Variants in ARHGAP15 observed in about 807,000 individuals in gnomAD.
The protein encoded by ARHGAP15 is rho GTPase-activating protein 15.
ARHGAP15 carries 51 observed loss-of-function variants against 63.7 expected under a neutral mutation model. The ratio of observed to expected loss-of-function variants is 0.80; its 90% CI spans 0.64 to 1.01. The LOEUF (loss-of-function observed/expected upper bound fraction) is 1.01. Ranked by LOEUF, ARHGAP15 falls within the 50% of genes least tolerant of loss-of-function variation. The pLI, the probability that ARHGAP15 is intolerant of heterozygous loss-of-function variation, is 0.00. For missense variants in ARHGAP15, 560 were observed against 564.6 expected (o/e 0.99, Z 0.08); for synonymous variants, 191 against 193.8 (o/e 0.99, Z 0.12).
chr2:143,513,615 A>G (rs969468988), intron 9 of ARHGAP15, among the ~76,000 whole-genome samples: 1 of 152,218 alleles, frequency 6.6e-6, no homozygotes, highest in African/African-American at 2.4e-5. Context: ...TGAAATTGCC[A>G]AAATCCAGCG....
intron 10 of ARHGAP15, among the ~76,000 whole-genome samples, chr2:143,540,612 A>G (rs1192154317): frequency 6.6e-6 from 1 of 152,100 alleles, no homozygotes; most frequent in African/African-American, 2.4e-5. Flanking sequence ...TCTGTAAAGT[A>G]TTTTATTTCT....
chr2:143,520,942 G>A (rs542319938), intron 10 of ARHGAP15, among the ~76,000 whole-genome samples: 5 of 152,116 alleles, frequency 3.3e-5, no homozygotes, highest in Non-Finnish European at 7.4e-5. Context: ...GCAGCTTTGC[G>A]GTGTGCAGAT....
rs145472935 is a variant in ARHGAP15 at position 143,554,363 on chromosome 2, A to G, written c.926-2045A>G. ...ATTCACCACTCATGGTTCTGATGCC[A>G]TTTGTCTGCTTCCAAATCCAAAACT... On this transcript the variant is annotated intron_variant, in intron 10 of 13. Transcript: ENST00000295095. Among the ~76,000 whole-genome samples, 28 of 152,260 alleles carry G rather than the reference A, an allele frequency of 1.8e-4. No homozygotes were observed. In the East Asian group the frequency reaches 4.2e-3, roughly 23 times the overall value.
At chr2:143,450,781 G>C (rs1690371273) in intron 8 of ARHGAP15, among the ~76,000 whole-genome samples, 1 of 151,860 alleles carries the variant, frequency 6.6e-6, no homozygotes, top group African/African-American at 2.4e-5. Context: ...AATAACAGTT[G>C]GTGACAATTT....
chr2:143,290,725 G>A (rs1458997465), intron 6 of ARHGAP15, among the ~76,000 whole-genome samples: 1 of 152,126 alleles, frequency 6.6e-6, no homozygotes, highest in Non-Finnish European at 1.5e-5. Context: ...AGGAGGAACA[G>A]GGAGCCTGAA....
At chr2:143,661,231 T>C (rs760288920) in intron 12 of ARHGAP15, among the ~76,000 whole-genome samples, 17 of 152,186 alleles carry the variant, frequency 1.1e-4, no homozygotes, top group Non-Finnish European at 2.1e-4. Flanking sequence ...AGTCCTTAAC[T>C]TGATCACACT....
rs546068821 is a variant in ARHGAP15, at chr2:143,574,899, G to A, written c.1003+18414G>A. ...CTCTGGATAAAATGTGTTACCTTAC[G>A]TATTGTCATGGGAACAATTATTTTT... is the stretch of plus-strand genomic sequence containing the variant. On this transcript the variant is annotated intron_variant, in intron 11 of 13. Transcript: ENST00000295095. Among the ~76,000 whole-genome samples, 28 of 152,216 alleles carry A rather than the reference G, an allele frequency of 1.8e-4. 1 individual carries two copies. In the East Asian group the frequency reaches 1.9e-3, roughly 10 times the overall value.
chr2:143,326,380 T>C (rs1035855392), intron 6 of ARHGAP15, among the ~76,000 whole-genome samples: 2 of 152,130 alleles, frequency 1.3e-5, no homozygotes, highest in Non-Finnish European at 2.9e-5. Context: ...TTCAAATAAC[T>C]TACCAAAAGT....
intron 2 of ARHGAP15, among the ~76,000 whole-genome samples, chr2:143,189,467 A>G (rs796878426): frequency 1.7e-4 from 26 of 150,376 alleles, no homozygotes; most frequent in African/African-American, 6.3e-4. Flanking sequence ...TAGATGTTGA[A>G]CTTCCTACTT....
chr2:143,162,791 A>T (rs902123035), intron 2 of ARHGAP15, among the ~76,000 whole-genome samples: 1 of 151,992 alleles, frequency 6.6e-6, no homozygotes, highest in Non-Finnish European at 1.5e-5. Flanking sequence ...CAAACTCCCA[A>T]GGTGATATGT....
chr2:143,248,198 C>A (rs562423239), intron 5 of ARHGAP15, among the ~76,000 whole-genome samples: 10 of 152,154 alleles, frequency 6.6e-5, no homozygotes, highest in Non-Finnish European at 1.2e-4. Flanking sequence ...GAGTACAGCT[C>A]TTTTATATAA....
chr2:143,650,832 C>G (rs1485394776), intron 12 of ARHGAP15, among the ~76,000 whole-genome samples: 1 of 151,906 alleles, frequency 6.6e-6, no homozygotes, highest in Admixed American at 6.6e-5. Flanking sequence ...AAAATCCTTA[C>G]AGTAAAATAT....
chr2:143,385,613 T>C (rs1326943715), intron 6 of ARHGAP15, among the ~76,000 whole-genome samples: 2 of 152,126 alleles, frequency 1.3e-5, no homozygotes, highest in Non-Finnish European at 2.9e-5. Context: ...ATAGTAGTAA[T>C]TCCTTTTCCC....
At chr2:143,661,503 G>A (rs1681772221) in intron 12 of ARHGAP15, among the ~76,000 whole-genome samples, 2 of 152,188 alleles carry the variant, frequency 1.3e-5, no homozygotes, top group African/African-American at 4.8e-5. Context: ...TTCTTAAGGA[G>A]TATGTGTTCT....
chr2:143,196,629 G>A (rs1691895801), intron 2 of ARHGAP15, among the ~76,000 whole-genome samples: 1 of 151,928 alleles, frequency 6.6e-6, no homozygotes, highest in Non-Finnish European at 1.5e-5. Context: ...TAAATTAAGA[G>A]TAGGAATTCA....
chr2:143,340,287 GGCAAA>G (rs1053054833), intron 6 of ARHGAP15, among the ~76,000 whole-genome samples: 6 of 152,186 alleles, frequency 3.9e-5, no homozygotes, highest in African/African-American at 1.4e-4. Context: ...TAATAAACCA[GGCAAA>G]GCAAGAGGAA....
At chr2:143,716,109 C>T (rs188596412) in intron 13 of ARHGAP15, among the ~76,000 whole-genome samples, 91 of 152,228 alleles carry the variant, frequency 6.0e-4, no homozygotes, top group African/African-American at 2.1e-3. Flanking sequence ...GTGCAGCAAA[C>T]CACCATGGCA....
At chr2:143,613,151 A>G (rs1698322727) in intron 11 of ARHGAP15, among the ~76,000 whole-genome samples, 1 of 141,210 alleles carries the variant, frequency 7.1e-6, no homozygotes, top group South Asian at 2.6e-4. Flanking sequence ...TTGCAAAAGG[A>G]TCTTAAGTAA....
intron 6 of ARHGAP15, among the ~76,000 whole-genome samples, chr2:143,389,482 G>C (rs1392180326): frequency 6.6e-6 from 1 of 152,152 alleles, no homozygotes; most frequent in Non-Finnish European, 1.5e-5. Flanking sequence ...AAACATGTCA[G>C]CATTTTCCCC....
Sources: gnomAD v4.1 joint callset for allele counts (sites outside exome capture counted in the v4.1 genomes callset) on GRCh38, gnomAD v4.1.1 for gene constraint, MANE v1.5 for transcripts, NCBI Gene and HGNC (gene_info 2026-07-23, HGNC 2026-07-21) for gene names.